Variants in FRMPD1 observed in about 807,000 individuals in gnomAD.
The protein encoded by FRMPD1 is FERM and PDZ domain containing 1.
A neutral mutation model predicts 117.8 loss-of-function variants in FRMPD1; 76 were observed. The observed-to-expected ratio is 0.65, with a 90% CI of 0.54 to 0.78. The LOEUF (loss-of-function observed/expected upper bound fraction) is 0.78. FRMPD1 is among the 30% of genes least tolerant of loss of function. The pLI, the probability that FRMPD1 is intolerant of heterozygous loss-of-function variation, is 0.00. For synonymous variants in FRMPD1, 783 were observed against 770.4 expected, an observed-to-expected ratio of 1.02 and a Z score of -0.27; for missense variants, 1,786 against 1,964.5, an observed-to-expected ratio of 0.91 and a Z score of 1.72.
chr9:37,721,200 C>A (rs1417643565), intron 6 of FRMPD1, among the ~76,000 whole-genome samples: 3 of 152,032 alleles, frequency 2.0e-5, no homozygotes, highest in Admixed American at 2.0e-4. Flanking sequence ...GTTGGGGCAC[C>A]TCGGGGAATC....
chr9:37,709,350 G>GT (rs10672208), intron 4 of FRMPD1, among the ~76,000 whole-genome samples: 101,780 of 148,872 alleles, frequency 0.68, 35,123 homozygotes, highest in East Asian at 0.93. Flanking sequence ...GGTATTAATT[G>GT]TTTTTTTTTC....
the FRMPD1 span, among the ~76,000 whole-genome samples, chr9:37,626,278 G>A: frequency 7.2e-5 from 11 of 152,026 alleles, no homozygotes; most frequent in Admixed American, 5.9e-4. Context: ...GCAGTGAGTC[G>A]AGATCGCGCC....
At chr9:37,637,865 A>C in the FRMPD1 span, among the ~76,000 whole-genome samples, 2 of 152,328 alleles carry the variant, frequency 1.3e-5, no homozygotes, top group Middle Eastern at 3.4e-3. Context: ...GAGTGAAAAA[A>C]GTGTGCAAGA....
the FRMPD1 span, among the ~76,000 whole-genome samples, chr9:37,603,803 C>T: frequency 6.6e-6 from 1 of 152,066 alleles, no homozygotes; most frequent in African/African-American, 2.4e-5. Flanking sequence ...CTCAGCCTCC[C>T]AAGTAGCTGG....
chr9:37,619,869 C>T, the FRMPD1 span, among the ~76,000 whole-genome samples: 1 of 151,020 alleles, frequency 6.6e-6, no homozygotes, highest in African/African-American at 2.4e-5. Context: ...TGCTTACTAG[C>T]TACATACTGC....
intron 15 of FRMPD1, among the ~76,000 whole-genome samples, chr9:37,741,192 G>A (rs1331877463): frequency 6.6e-6 from 1 of 152,032 alleles, no homozygotes; most frequent in African/African-American, 2.4e-5. Flanking sequence ...TTACAAAAAA[G>A]GAAAGGGCTT....
intron 1 of FRMPD1, among the ~76,000 whole-genome samples, chr9:37,688,960 A>G (rs1047568702): frequency 6.6e-6 from 1 of 152,100 alleles, no homozygotes; most frequent in African/African-American, 2.4e-5. Context: ...GTTAAACATT[A>G]TTAAAAATCA....
chr9:37,707,746 G>A (rs7860120), intron 3 of FRMPD1, among the ~76,000 whole-genome samples, 173 bp downstream of exon 3: 30,004 of 152,186 alleles, frequency 0.2, 3,277 homozygotes, highest in Non-Finnish European at 0.25. Context: ...TGCTGGGAGG[G>A]AGGAAGCCTC....
At chr9:37,672,119 G>A (rs1821371979) in intron 1 of FRMPD1, among the ~76,000 whole-genome samples, 1 of 152,208 alleles carries the variant, frequency 6.6e-6, no homozygotes, top group Non-Finnish European at 1.5e-5. Flanking sequence ...CTTCAAAATG[G>A]ATTGTGGTGA....
rs1190053737 is a variant in FRMPD1, at chr9:37,740,989, CAGGG to C, written c.2356+106_2356+109del. On this transcript the variant is annotated intron_variant, in intron 15 of 15. Transcript: ENST00000377765. This position sits in a 1 kb window ranked among gnomAD's most constrained non-coding sequence, Gnocchi z 4.2. ...TTGAGAGGAAGGCACATGAGTGAAA[CAGGG>C]TCCCTGTACACTTCTGAGGAGGTAG... The C allele has an allele frequency of 6.2e-5, 53 of 852,628 alleles. No homozygotes were observed. Among genetic ancestry groups the C allele is most frequent in the Non-Finnish European group, 1.0e-4 (51 of 510,650 alleles). 52.8% of individuals were successfully genotyped at this position (852,628 alleles called of 1,614,324 possible). A position where few individuals can be genotyped will look rare whatever the true frequency, so the allele number is the denominator to read the frequency against.
At chr9:37,605,420 C>T in the FRMPD1 span, among the ~76,000 whole-genome samples, 18 of 152,284 alleles carry the variant, frequency 1.2e-4, no homozygotes, top group African/African-American at 4.1e-4. Flanking sequence ...ACTCAAGAAC[C>T]CAGAGCTGAC....
chr9:37,692,341 C>A (rs996392074), intron 1 of FRMPD1, among the ~76,000 whole-genome samples: 1 of 152,048 alleles, frequency 6.6e-6, no homozygotes, highest in African/African-American at 2.4e-5. Flanking sequence ...TGTATCTCTT[C>A]CTATGGGTCA....
chr9:37,635,524 G>A, the FRMPD1 span, among the ~76,000 whole-genome samples: 1 of 152,198 alleles, frequency 6.6e-6, no homozygotes, highest in Admixed American at 6.5e-5. Flanking sequence ...TTCCCCAAGT[G>A]GCTTTTCCTT....
chr9:37,669,660 A>T, intron 1 of FRMPD1: 1 of 152,206 alleles, frequency 6.6e-6, no homozygotes, highest in Middle Eastern at 3.4e-3. Flanking sequence ...TACTATACAC[A>T]CACACCTAGC....
rs748430282 is a variant in FRMPD1 at position 37,746,178 on chromosome 9, T to G, written c.4146T>G (p.Pro1382=). The change falls in exon 16 of 16, where the codon CCT becomes CCG. Residue 1382 remains proline, a synonymous_variant. Transcript: ENST00000377765. The stretch of plus-strand genomic sequence containing the variant: ...GCCCGGTGGTTCTGCCCTGGAGGCC[T>G]GCCCGAGCCCACAGCTGCACCACCG... ...AGSPVVLPWR[P]ARAHSCTTAP... 34 of 1,613,348 alleles carry G rather than the reference T, an allele frequency of 2.1e-5. No homozygotes were observed. In the South Asian group the frequency reaches 3.1e-4, roughly 15 times the overall value.
At chr9:37,729,397 A>T (rs1387344335) in intron 7 of FRMPD1, among the ~76,000 whole-genome samples, 1 of 150,800 alleles carries the variant, frequency 6.6e-6, no homozygotes, top group African/African-American at 2.4e-5. Context: ...AAAAAAAAAA[A>T]AAAAAAAAAA....
At chr9:37,666,556 G>A (rs1017654968) in intron 1 of FRMPD1, among the ~76,000 whole-genome samples, 1 of 151,994 alleles carries the variant, frequency 6.6e-6, no homozygotes, top group African/African-American at 2.4e-5. Flanking sequence ...CCCTACCCCT[G>A]CAGGTCTTAT....
intron 6 of FRMPD1, 136 bp from the exon 7 acceptor site, chr9:37,724,089 C>T (rs530540196): frequency 8.3e-6 from 4 of 479,278 alleles, no homozygotes; most frequent in South Asian, 4.1e-5. Context: ...GTGGGAGAGT[C>T]GCTTGAACCT....
chr9:37,619,367 G>C, the FRMPD1 span, among the ~76,000 whole-genome samples: 3 of 152,188 alleles, frequency 2.0e-5, no homozygotes, highest in Admixed American at 2.0e-4. Context: ...CACATAGCAA[G>C]GGCTCAACAA....
Sources: allele counts gnomAD v4.1 joint callset (sites outside exome capture counted in the v4.1 genomes callset), GRCh38; gene constraint gnomAD v4.1.1; non-coding constraint Gnocchi (gnomAD v3.1); transcripts MANE v1.5; gene names NCBI Gene and HGNC (gene_info 2026-07-23, HGNC 2026-07-21).